Variants in APTX observed in about 807,000 individuals in gnomAD.
The protein encoded by APTX is forkhead-associated domain histidine triad-like protein.
In APTX, 33 loss-of-function variants were observed where a neutral mutation model predicts 42.3. The ratio of observed to expected loss-of-function variants is 0.78; its 90% confidence interval spans 0.59 to 1.04. APTX has a LOEUF of 1.04. APTX is among the 50% of genes least tolerant of loss of function. The pLI is 0.00. For missense variants in APTX, 421 were observed against 415.1 expected, an observed-to-expected ratio of 1.01 and a Z score of -0.12; for synonymous variants, 130 against 146.7, an observed-to-expected ratio of 0.89 and a Z score of 0.82.
At chr9:33,018,774 G>A (rs1030421125) in intron 1 of APTX, among the ~76,000 whole-genome samples, 6 of 152,122 alleles carry the variant, frequency 3.9e-5, no homozygotes, top group African/African-American at 9.7e-5. Flanking sequence ...AGCTACTGGG[G>A]AGGCTGAGGC....
chr9:32,990,040 C>CA, intron 1 of APTX, 145 bp from the exon 2 acceptor site: 1 of 947,064 alleles, frequency 1.1e-6, no homozygotes, highest in South Asian at 1.4e-5. Context: ...TCAATTTCCT[C>CA]ACCTATAAAC....
upstream of APTX, among the ~76,000 whole-genome samples, chr9:33,006,275 A>G (rs1223473915): frequency 1.3e-5 from 2 of 152,174 alleles, no homozygotes; most frequent in African/African-American, 4.8e-5. Context: ...ATTTTAATAA[A>G]AAGAATTTTT....
chr9:32,991,212 C>T (rs961275631), intron 1 of APTX, among the ~76,000 whole-genome samples: 3 of 152,146 alleles, frequency 2.0e-5, no homozygotes, highest in African/African-American at 7.2e-5. Context: ...AGGCATGAGC[C>T]ACCGTGCCCG....
In APTX at chr9:32,973,376, T is replaced by C; in HGVS notation, c.*122A>G. ...TGTGGCCACTCAATAATAGAATAAA[T>C]TTGTGAAAAAGCTGCATGTTTTAAT... On this transcript the variant is annotated 3_prime_UTR_variant, in exon 8 of 8. Transcript: ENST00000379817. 1 of 1,175,102 alleles carries C rather than the reference T, an allele frequency of 8.5e-7. No homozygotes were observed. Among genetic ancestry groups the C allele is most frequent in the Non-Finnish European group, 1.3e-6 (1 of 792,322 alleles). 72.8% of individuals were successfully genotyped at this position (1,175,102 alleles called of 1,614,324 possible). A position where few individuals can be genotyped will look rare whatever the true frequency, so the allele number is the denominator to read the frequency against.
upstream of APTX, among the ~76,000 whole-genome samples, chr9:33,005,711 A>C (rs1837088228): frequency 6.6e-6 from 1 of 152,160 alleles, no homozygotes; most frequent in South Asian, 2.1e-4. Context: ...CTGACATTAC[A>C]GGTGTGAGAC....
At chr9:33,012,159 T>C (rs1837585269) in intron 1 of APTX, among the ~76,000 whole-genome samples, 1 of 152,124 alleles carries the variant, frequency 6.6e-6, no homozygotes, top group Non-Finnish European at 1.5e-5. Context: ...ATAATATTGC[T>C]CCTAAATTAT....
chr9:33,024,545 A>T (rs913749568), intron 1 of APTX, among the ~76,000 whole-genome samples: 3 of 152,186 alleles, frequency 2.0e-5, no homozygotes, highest in African/African-American at 4.8e-5. Context: ...AACTGGGTGA[A>T]AACCTGACCA....
At chr9:33,019,989 G>A (rs975600667) in intron 1 of APTX, 5 of 415,610 alleles carry the variant, frequency 1.2e-5, no homozygotes, top group Middle Eastern at 6.2e-4. Context: ...CAGACGCTGC[G>A]TTTCTGCTAG....
chr9:32,987,577 G>A lies in APTX; in HGVS notation c.450C>T (p.Pro150=), dbSNP rs374692781. 6.2e-7 allele frequency: 1 copy of A among 1,613,824 alleles called. No individual in the cohort carries two copies. The highest frequency in any genetic ancestry group is 8.5e-7 in the Non-Finnish European group (1 of 1,180,026). The change falls in exon 4 of 8, where the codon CCC becomes CCT. Residue 150 remains proline (P), a synonymous_variant. Transcript: ENST00000379817. ...PGSNSGQCSV[P]LKKGKDAPIK... ...TAGGTGCATCTTTTCCCTTCTTTAGGGGCACAGAGCATTGGCCAGAGTTGC... is the reference window on the plus strand; with the variant it reads ...TAGGTGCATCTTTTCCCTTCTTTAGAGGCACAGAGCATTGGCCAGAGTTGC...
chr9:32,999,351 G>A (rs376601385), intron 1 of APTX, among the ~76,000 whole-genome samples: 2 of 152,212 alleles, frequency 1.3e-5, no homozygotes, highest in African/African-American at 4.8e-5. Flanking sequence ...TGGATATAAA[G>A]AGAAAGAAAG....
At chr9:33,014,562 G>C (rs1837763891) in intron 1 of APTX, among the ~76,000 whole-genome samples, 1 of 134,640 alleles carries the variant, frequency 7.4e-6, no homozygotes, top group African/African-American at 2.5e-5. Context: ...TGCATAGCTG[G>C]GGAGCAGGAC....
At chr9:32,991,872 G>T (rs954722039) in intron 1 of APTX, among the ~76,000 whole-genome samples, 3 of 152,082 alleles carry the variant, frequency 2.0e-5, no homozygotes, top group Non-Finnish European at 4.4e-5. Flanking sequence ...GACATAATTT[G>T]GGGATAAAAA....
At chr9:32,989,236 G>C (rs1332836482) in intron 2 of APTX, among the ~76,000 whole-genome samples, 1 of 152,062 alleles carries the variant, frequency 6.6e-6, no homozygotes, top group Non-Finnish European at 1.5e-5. Context: ...GCTGTGGGGG[G>C]GTCACACTCC....
chr9:32,998,728 G>A (rs575934728), intron 1 of APTX, among the ~76,000 whole-genome samples: 16 of 152,218 alleles, frequency 1.1e-4, no homozygotes, highest in African/African-American at 3.9e-4. Context: ...CAGGGGGTGA[G>A]GGGCTAGGGG....
chr9:33,024,605 G>A (rs1244713299), intron 1 of APTX, among the ~76,000 whole-genome samples: 1 of 152,128 alleles, frequency 6.6e-6, no homozygotes, highest in East Asian at 1.9e-4. Context: ...ACGTCTCACT[G>A]TTTAGCTCAG....
chr9:33,007,260 G>A (rs1415560286), intron 1 of APTX, among the ~76,000 whole-genome samples: 1 of 152,146 alleles, frequency 6.6e-6, no homozygotes, highest in East Asian at 1.9e-4. Context: ...AGGAAGATAA[G>A]GAGGCCTGAG....
At position 32,972,847 on chromosome 9, in the gene APTX, C is replaced by T. The variant is rs1324725744; in HGVS notation, c.*651G>A. 1 of 453,986 alleles carries T rather than the reference C, an allele frequency of 2.2e-6. No individual in the cohort carries two copies. The highest frequency in any genetic ancestry group is 4.4e-6 in the Non-Finnish European group (1 of 226,790). The allele number at this position is 453,986 out of a possible 1,614,324, so 28.1% of individuals were successfully genotyped here. ...TGACGAACATGTGGCTGTTTCCTCACAGCCAGGAACCCTCGGTATTAGAAG... is the reference window on the plus strand; with the variant it reads ...TGACGAACATGTGGCTGTTTCCTCATAGCCAGGAACCCTCGGTATTAGAAG... On this transcript the variant is annotated 3_prime_UTR_variant, in exon 8 of 8. Transcript: ENST00000379817.
Position 32,988,048 on chromosome 9 carries a change from T to C in APTX, c.180+35A>G, listed in dbSNP as rs79744073. 642 of 1,603,506 alleles carry C rather than the reference T, an allele frequency of 4.0e-4. 1 individual carries two copies. The East Asian group carries it at 0.011, about 27-fold the overall frequency. On this transcript the variant is annotated intron_variant, in intron 3 of 7. Coordinates refer to ENST00000379817, the MANE Select transcript of APTX (RefSeq NM_001195248.2). ...TAAAGTCAACAGCATAAGAAAATCATCGAGTATAAAATTCCAAGTTATAAA... is the reference window on the plus strand; with the variant it reads ...TAAAGTCAACAGCATAAGAAAATCACCGAGTATAAAATTCCAAGTTATAAA...
In APTX at chr9:32,972,733, AAT is replaced by A. The variant is rs1489430315; in HGVS notation, c.*763_*764del. On this transcript the variant is annotated 3_prime_UTR_variant, in exon 8 of 8. Coordinates refer to ENST00000379817, the MANE Select transcript of APTX (RefSeq NM_001195248.2). ...ATGCTGTGATTGTTAGCTGAACTTC[AAT>A]AGTTTCCACCTACTTAAGAGAGATG... 2.2e-6 allele frequency: 1 copy of A among 454,126 alleles called. No homozygotes were observed. Among genetic ancestry groups the A allele is most frequent in the Non-Finnish European group, 4.4e-6 (1 of 226,788 alleles). 28.1% of individuals were successfully genotyped at this position (454,126 alleles called of 1,614,324 possible).
Sources: allele counts gnomAD v4.1 joint callset (sites outside exome capture counted in the v4.1 genomes callset), GRCh38; gene constraint gnomAD v4.1.1; transcripts MANE v1.5; gene names NCBI Gene and HGNC (gene_info 2026-07-23, HGNC 2026-07-21).